Variants in CACNB4 observed in about 807,000 individuals in gnomAD.
The protein encoded by CACNB4 is calcium voltage-gated channel auxiliary subunit beta 4.
Under a neutral mutation model 71.2 loss-of-function variants are expected in CACNB4, and 32 were observed. The ratio of observed to expected loss-of-function variants is 0.45; its 90% CI spans 0.34 to 0.60. The LOEUF (loss-of-function observed/expected upper bound fraction) is 0.60. Among genes scored for constraint, CACNB4 ranks in the 20% least tolerant of loss-of-function variants. The pLI, the probability that CACNB4 is intolerant of heterozygous loss-of-function variation, is 0.01. For missense variants in CACNB4, 464 were observed against 647.9 expected (o/e 0.72, Z 3.08); for synonymous variants, 231 against 236.9 (o/e 0.97, Z 0.23).
chr2:152,082,339 G>A lies in CACNB4; in HGVS notation c.147+15991C>T, dbSNP rs147113662. Among the ~76,000 whole-genome samples, 9 of 152,264 alleles carry A rather than the reference G, an allele frequency of 5.9e-5. No homozygotes were observed. The East Asian group carries it at 1.5e-3, about 26-fold the overall frequency. ...TTCCAATATTTGATACTGAATGGCC[G>A]TATGTTGTATGAGTTCATCTCAGCA... On this transcript the variant is annotated intron_variant, in intron 2 of 13. Coordinates refer to ENST00000539935, the MANE Select transcript of CACNB4 (RefSeq NM_000726.5).
chr2:152,084,767 G>C (rs928842893), intron 2 of CACNB4, among the ~76,000 whole-genome samples: 3 of 151,920 alleles, frequency 2.0e-5, no homozygotes, highest in African/African-American at 7.2e-5. Flanking sequence ...ATGCCACCAT[G>C]CCTGGCTAAT....
intron 2 of CACNB4, among the ~76,000 whole-genome samples, chr2:151,914,759 G>A (rs1044951720): frequency 3.0e-4 from 45 of 152,218 alleles, no homozygotes; most frequent in African/African-American, 1.0e-3. Flanking sequence ...TGCAGTTTGC[G>A]GGGGTTCACT....
At chr2:151,921,170 TAAA>T (rs1249420064) in intron 2 of CACNB4, among the ~76,000 whole-genome samples, 59 of 55,226 alleles carry the variant, frequency 1.1e-3, no homozygotes, top group Middle Eastern at 0.014. Context: ...AATAAATAAA[TAAA>T]TAAATAAATA....
chr2:151,976,237 C>T (rs573928058), intron 2 of CACNB4, among the ~76,000 whole-genome samples: 1 of 152,328 alleles, frequency 6.6e-6, no homozygotes, highest in South Asian at 2.1e-4. Flanking sequence ...ATGTGCTGGA[C>T]TCAGAATCAT....
At chr2:151,839,498 G>T in intron 13 of CACNB4, 119 bp from the exon 14 acceptor site, 1 of 728,464 alleles carries the variant, frequency 1.4e-6, no homozygotes, top group South Asian at 1.8e-5. Context: ...ACTTAATAAG[G>T]CATCCTGATG....
At chr2:152,013,934 T>G (rs1482490312) in intron 2 of CACNB4, among the ~76,000 whole-genome samples, 1 of 152,242 alleles carries the variant, frequency 6.6e-6, no homozygotes, top group African/African-American at 2.4e-5. Flanking sequence ...GTTCCATCTG[T>G]TCTGCAGGTC....
intron 2 of CACNB4, among the ~76,000 whole-genome samples, chr2:151,941,844 C>T (rs2099864350): frequency 6.6e-6 from 1 of 152,068 alleles, no homozygotes; most frequent in Admixed American, 6.6e-5. Flanking sequence ...GGAGTGAGTG[C>T]TGGCTTCTTG....
intron 2 of CACNB4, among the ~76,000 whole-genome samples, chr2:151,912,631 T>C (rs745644402): frequency 3.3e-5 from 5 of 152,254 alleles, no homozygotes; most frequent in African/African-American, 1.2e-4. Context: ...CTGAGAAGAA[T>C]ATATATTCTG....
intron 2 of CACNB4, among the ~76,000 whole-genome samples, chr2:152,021,501 T>C (rs1442177120): frequency 6.6e-6 from 1 of 152,212 alleles, no homozygotes. Context: ...AACATTTGAT[T>C]TGCCTCAAAA....
rs2099843970 is a variant in CACNB4 at position 151,869,246 on chromosome 2, G to A, written c.700-11C>T. ...CATCATGTCTGTTACCTTTGCAGAG[G>A]TGAGAAAAAAAGAATGAGGCAAACA... On this transcript the variant is annotated splice_polypyrimidine_tract_variant and intron_variant, in intron 8 of 13. Coordinates refer to ENST00000539935, the MANE Select transcript of CACNB4 (RefSeq NM_000726.5). The A allele has an allele frequency of 3.9e-6, 6 of 1,539,730 alleles. No individual in the cohort carries two copies. Among genetic ancestry groups the A allele is most frequent in the African/African-American group, 2.7e-5 (2 of 73,242 alleles).
At chr2:152,095,825 T>C (rs1482471025) in intron 2 of CACNB4, among the ~76,000 whole-genome samples, 2 of 152,130 alleles carry the variant, frequency 1.3e-5, no homozygotes, top group African/African-American at 4.8e-5. Context: ...CAAATTTCTT[T>C]GTATTTTTAG....
At chr2:152,067,493 G>C (rs919574747) in intron 2 of CACNB4, among the ~76,000 whole-genome samples, 2 of 151,998 alleles carry the variant, frequency 1.3e-5, no homozygotes, top group Non-Finnish European at 2.9e-5. Flanking sequence ...TTACAGGTAT[G>C]AGCCAATGTG....
intron 2 of CACNB4, chr2:151,936,476 C>G (rs927532109): frequency 6.6e-6 from 1 of 152,182 alleles, no homozygotes; most frequent in Non-Finnish European, 1.5e-5. Context: ...AATAACTTTG[C>G]TTTAATGGTT....
intron 2 of CACNB4, among the ~76,000 whole-genome samples, chr2:151,919,960 G>A (rs1277509222): frequency 1.3e-5 from 2 of 152,082 alleles, no homozygotes; most frequent in East Asian, 3.9e-4. Context: ...TTTTCTTCCT[G>A]TCCATGACAA....
chr2:152,018,258 T>A (rs1683458669), intron 2 of CACNB4, among the ~76,000 whole-genome samples: 1 of 151,650 alleles, frequency 6.6e-6, no homozygotes, highest in Non-Finnish European at 1.5e-5. Flanking sequence ...CAGCCAGCAA[T>A]GAAAGAAAGC....
At chr2:151,904,572 T>C (rs991142579) in intron 2 of CACNB4, among the ~76,000 whole-genome samples, 1 of 151,776 alleles carries the variant, frequency 6.6e-6, no homozygotes, top group African/African-American at 2.4e-5. Context: ...AGTCTCACTG[T>C]TGCCCAGGCT....
intron 2 of CACNB4, among the ~76,000 whole-genome samples, chr2:152,056,265 G>A (rs967514794): frequency 6.6e-6 from 1 of 151,560 alleles, no homozygotes; most frequent in African/African-American, 2.4e-5. Flanking sequence ...GGAGGCTGAG[G>A]CAGGAGAATG....
intron 2 of CACNB4, chr2:151,973,796 G>T (rs1193510223): frequency 1.9e-6 from 3 of 1,553,232 alleles, no homozygotes; most frequent in Non-Finnish European, 2.6e-6. Flanking sequence ...AAAGAGAAAA[G>T]GCCTGTTTGG....
chr2:152,029,609 G>T (rs1161941863), intron 2 of CACNB4, among the ~76,000 whole-genome samples: 1 of 152,052 alleles, frequency 6.6e-6, no homozygotes, highest in Non-Finnish European at 1.5e-5. Context: ...AGATTAGGAA[G>T]AGGGTCTGCT....
Sources: gnomAD v4.1 joint callset for allele counts (sites outside exome capture counted in the v4.1 genomes callset) on GRCh38, gnomAD v4.1.1 for gene constraint, MANE v1.5 for transcripts, NCBI Gene and HGNC (gene_info 2026-07-23, HGNC 2026-07-21) for gene names.